TMEM132D: variants seen among roughly 807,000 people sequenced by gnomAD.
TMEM132D encodes the protein transmembrane protein 132D.
In TMEM132D, 21 loss-of-function variants were observed where a neutral mutation model predicts 62.3. The ratio of observed to expected loss-of-function variants is 0.34; its 90% confidence interval spans 0.24 to 0.49. TMEM132D has a LOEUF of 0.49. Among genes scored for constraint, TMEM132D ranks in the 20% least tolerant of loss-of-function variants. The pLI is 0.99. For missense variants in TMEM132D, 1,346 were observed against 1,402.8 expected (o/e 0.96, Z 0.65); for synonymous variants, 621 against 575.6 (o/e 1.08, Z -1.13).
At chr12:129,797,666 C>T (rs1165231267) in intron 1 of TMEM132D, among the ~76,000 whole-genome samples, 2 of 152,146 alleles carry the variant, frequency 1.3e-5, no homozygotes, top group African/African-American at 4.8e-5. Context: ...GTGTGTTGTT[C>T]CCCAACCCAG....
At chr12:129,711,725 C>T (rs1288693691) in intron 1 of TMEM132D, among the ~76,000 whole-genome samples, 4 of 117,024 alleles carry the variant, frequency 3.4e-5, no homozygotes, top group South Asian at 2.6e-4. Flanking sequence ...GAAATTCCAT[C>T]TCCAAAAAAA....
chr12:129,472,682 T>C (rs1874127339), intron 3 of TMEM132D, among the ~76,000 whole-genome samples: 3 of 152,162 alleles, frequency 2.0e-5, no homozygotes. Flanking sequence ...ATAGTTGAAA[T>C]GACAACAAAG....
At chr12:129,764,169 G>T (rs1262701025) in intron 1 of TMEM132D, among the ~76,000 whole-genome samples, 1 of 152,126 alleles carries the variant, frequency 6.6e-6, no homozygotes, top group African/African-American at 2.4e-5. Context: ...CAACATTGCT[G>T]CTTTTAGAAA....
In TMEM132D at chr12:129,487,537, G is replaced by A. The variant is rs1156344012; in HGVS notation, c.1115+43522C>T. 1.1e-4 allele frequency among the ~76,000 whole-genome samples: 16 copies of A among 152,160 alleles called. No homozygotes were observed. The East Asian group carries it at 2.5e-3, about 24-fold the overall frequency. On this transcript the variant is annotated intron_variant, in intron 3 of 8. Coordinates refer to ENST00000422113, the MANE Select transcript of TMEM132D (RefSeq NM_133448.3). ...TGCCTGGAACTTCCTACAGAACCTG[G>A]TGAGGCCACCTGCTATGGTTTGAAT...
chr12:129,396,791 A>G (rs1246427279), intron 3 of TMEM132D, among the ~76,000 whole-genome samples: 2 of 152,222 alleles, frequency 1.3e-5, no homozygotes, highest in East Asian at 1.9e-4. Flanking sequence ...TATACCCCCA[A>G]TTTTTTATTT....
At chr12:129,649,084 C>T (rs1593104680) in intron 2 of TMEM132D, among the ~76,000 whole-genome samples, 1 of 152,082 alleles carries the variant, frequency 6.6e-6, no homozygotes, top group Admixed American at 6.6e-5. Context: ...GGTTTTTGAC[C>T]CCATGTTCTC....
chr12:129,287,026 C>T (rs1881319542), intron 4 of TMEM132D, among the ~76,000 whole-genome samples: 1 of 147,274 alleles, frequency 6.8e-6, no homozygotes, highest in African/African-American at 2.5e-5. Context: ...CCAGCCTGGG[C>T]AACAGAGTGA....
intron 5 of TMEM132D, among the ~76,000 whole-genome samples, chr12:129,104,501 A>G (rs1411632943): frequency 1.3e-5 from 2 of 152,362 alleles, no homozygotes; most frequent in Admixed American, 1.3e-4. Context: ...TCATGTCTAA[A>G]ACACCAAAAG....
chr12:129,130,549 A>C (rs1365171419), intron 5 of TMEM132D, among the ~76,000 whole-genome samples: 1 of 152,158 alleles, frequency 6.6e-6, no homozygotes, highest in Non-Finnish European at 1.5e-5. Context: ...TTGACACTTG[A>C]GATACAACAG....
At chr12:129,433,987 A>G (rs1872727124) in intron 3 of TMEM132D, among the ~76,000 whole-genome samples, 1 of 152,200 alleles carries the variant, frequency 6.6e-6, no homozygotes, top group Non-Finnish European at 1.5e-5. Context: ...GTGACTTGAG[A>G]TTCAGAGCTT....
chr12:129,374,466 T>C (rs1039572377), intron 3 of TMEM132D, among the ~76,000 whole-genome samples: 1 of 152,076 alleles, frequency 6.6e-6, no homozygotes, highest in Non-Finnish European at 1.5e-5. Context: ...GCATAACAGA[T>C]GCCTTGGGCT....
intron 3 of TMEM132D, among the ~76,000 whole-genome samples, chr12:129,520,834 G>T (rs1875828095): frequency 6.6e-6 from 1 of 152,162 alleles, no homozygotes; most frequent in Non-Finnish European, 1.5e-5. Context: ...CTTCACACAG[G>T]TTTTCTGCCT....
intron 2 of TMEM132D, among the ~76,000 whole-genome samples, chr12:129,692,565 C>G (rs763780672): frequency 6.6e-6 from 1 of 152,186 alleles, no homozygotes; most frequent in Admixed American, 6.5e-5. Context: ...ACTATTCACA[C>G]TATTCACAAT....
chr12:129,588,863 T>C (rs1038637746), intron 2 of TMEM132D, among the ~76,000 whole-genome samples: 9 of 151,308 alleles, frequency 5.9e-5, no homozygotes, highest in Non-Finnish European at 7.4e-5. Context: ...TCTGGAATCA[T>C]ACCCCAAAAT....
At chr12:129,103,792 T>C (rs1466674817) in intron 5 of TMEM132D, among the ~76,000 whole-genome samples, 1 of 150,954 alleles carries the variant, frequency 6.6e-6, no homozygotes, top group Admixed American at 6.6e-5. Flanking sequence ...CCATTCACAA[T>C]TGCTTCAAAG....
At chr12:129,892,608 G>T (rs2137395081) in intron 1 of TMEM132D, among the ~76,000 whole-genome samples, 1 of 151,624 alleles carries the variant, frequency 6.6e-6, no homozygotes, top group South Asian at 2.1e-4. Context: ...TGTAAAATTT[G>T]GATTTTTTTC....
In TMEM132D at chr12:129,371,123, C is replaced by G. The variant is rs918141132; in HGVS notation, c.1116-33306G>C. ...ATCATTATATTGTTGTAGGTACCAC[C>G]AAAATATGTACAACTATGACAAATC... On this transcript the variant is annotated intron_variant, in intron 3 of 8. Transcript: ENST00000422113. This position sits in a 1 kb window ranked among gnomAD's most constrained non-coding sequence, Gnocchi z 4.3. 6.6e-6 allele frequency among the ~76,000 whole-genome samples: 1 copy of G among 152,114 alleles called. No homozygotes were observed. Among genetic ancestry groups the G allele is most frequent in the South Asian group, 2.1e-4 (1 of 4,822 alleles).
At chr12:129,841,921 C>T (rs928201919) in intron 1 of TMEM132D, among the ~76,000 whole-genome samples, 4 of 148,578 alleles carry the variant, frequency 2.7e-5, no homozygotes, top group Non-Finnish European at 4.4e-5. Context: ...TCTAAGCACT[C>T]GTGGTTTTCG....
chr12:129,317,033 T>G (rs1868510042), intron 4 of TMEM132D, among the ~76,000 whole-genome samples: 1 of 152,136 alleles, frequency 6.6e-6, no homozygotes, highest in African/African-American at 2.4e-5. Context: ...AGTCCTTATG[T>G]GTTAGGTGAG....
Sources: allele counts gnomAD v4.1 joint callset (sites outside exome capture counted in the v4.1 genomes callset), GRCh38; gene constraint gnomAD v4.1.1; non-coding constraint Gnocchi (gnomAD v3.1); transcripts MANE v1.5; gene names NCBI Gene and HGNC (gene_info 2026-07-23, HGNC 2026-07-21).